BSN: variants seen among roughly 807,000 people sequenced by gnomAD.
BSN encodes the protein bassoon presynaptic cytomatrix protein, also known as protein bassoon.
In BSN, 57 loss-of-function variants were observed where a neutral mutation model predicts 264.8. The ratio of observed to expected loss-of-function variants is 0.22; its 90% CI spans 0.17 to 0.27. BSN has a LOEUF of 0.27. Among genes scored for constraint, BSN ranks in the 10% least tolerant of loss-of-function variants. The probability of loss-of-function intolerance (pLI) is 1.00; values close to 1 mark genes in which losing one functional copy is unlikely to be tolerated. For synonymous variants in BSN, 2,059 were observed against 2,137.3 expected (o/e 0.96, Z 1.01); for missense variants, 4,615 against 5,232.5 (o/e 0.88, Z 3.64).
intron 1 of BSN, among the ~76,000 whole-genome samples, chr3:49,578,787 T>G (rs2051868482): frequency 6.6e-6 from 1 of 152,208 alleles, no homozygotes; most frequent in East Asian, 1.9e-4. Context: ...TCTTCCCCCC[T>G]CTATCTATCC....
At chr3:49,606,197 CATATATTATATATGT>C (rs2052142223) in intron 1 of BSN, among the ~76,000 whole-genome samples, 3 of 40,836 alleles carry the variant, frequency 7.3e-5, no homozygotes, top group Admixed American at 3.6e-4. Context: ...ATTATATATA[CATATATTATATATGT>C]ATATATTATA....
chr3:49,630,642 A>G (rs535272316), intron 2 of BSN, among the ~76,000 whole-genome samples: 1 of 152,372 alleles, frequency 6.6e-6, no homozygotes, highest in East Asian at 1.9e-4. Context: ...GAGGGCCATA[A>G]GTTAAGCTAA....
chr3:49,588,962 T>C (rs2108022132), intron 1 of BSN, among the ~76,000 whole-genome samples: 1 of 151,510 alleles, frequency 6.6e-6, no homozygotes, highest in South Asian at 2.1e-4. Context: ...TCGCCCAGGC[T>C]GGAGTGCAGT....
intron 1 of BSN, among the ~76,000 whole-genome samples, chr3:49,606,247 A>G (rs1254665633): frequency 1.2e-5 from 1 of 84,258 alleles, no homozygotes; most frequent in Admixed American, 1.9e-4. Context: ...ATATGTATAT[A>G]TTATATATAA....
intron 1 of BSN, among the ~76,000 whole-genome samples, chr3:49,580,318 T>C (rs2051886151): frequency 2.0e-5 from 3 of 152,336 alleles, no homozygotes; most frequent in Admixed American, 1.3e-4. Flanking sequence ...CCTGTTCTAT[T>C]TTTTGGAAGA....
At position 49,585,916 on chromosome 3, in the gene BSN, A is replaced by C. The variant is rs1368057940; in HGVS notation, c.224+31090A>C. 4.6e-5 allele frequency among the ~76,000 whole-genome samples: 7 copies of C among 152,082 alleles called. No homozygotes were observed. The East Asian group carries it at 1.2e-3, about 25-fold the overall frequency. On this transcript the variant is annotated intron_variant, in intron 1 of 11. Transcript: ENST00000296452. The surrounding 1 kb of genome is among the most constrained non-coding windows in gnomAD (Gnocchi z 4.7). ...GTGTGTCTTCTTTTGAGAAATGTCT[A>C]TTCAGATCTTTTGTTCATTTTTGAT... is the stretch of plus-strand genomic sequence containing the variant.
At chr3:49,588,445 T>G (rs533939069) in intron 1 of BSN, among the ~76,000 whole-genome samples, 1 of 152,184 alleles carries the variant, frequency 6.6e-6, no homozygotes, top group Non-Finnish European at 1.5e-5. Flanking sequence ...TTGAGGTATG[T>G]TCCTTCTATC....
chr3:49,629,071 G>A (rs974891190), intron 2 of BSN, among the ~76,000 whole-genome samples: 3 of 152,174 alleles, frequency 2.0e-5, no homozygotes, highest in African/African-American at 7.2e-5. Context: ...ACTGATGCCA[G>A]GGGGCCAGAG....
At chr3:49,598,025 T>C (rs895362873) in intron 1 of BSN, among the ~76,000 whole-genome samples, 1 of 152,218 alleles carries the variant, frequency 6.6e-6, no homozygotes, top group Non-Finnish European at 1.5e-5. Flanking sequence ...TGATAAGACA[T>C]TGTCATCATA....
intron 1 of BSN, among the ~76,000 whole-genome samples, chr3:49,605,920 AGATATAAAATC>A (rs1224033246): frequency 0.012 from 15 of 1,254 alleles, no homozygotes; most frequent in South Asian, 0.12. Flanking sequence ...AGATATAAAT[AGATATAAAATC>A]TATTTATATA....
chr3:49,627,334 A>C (rs9837341), intron 2 of BSN, among the ~76,000 whole-genome samples: 1 of 152,084 alleles, frequency 6.6e-6, no homozygotes, highest in East Asian at 1.9e-4. Context: ...AAGTTCACAC[A>C]TGGTGAATAC....
intron 2 of BSN, among the ~76,000 whole-genome samples, chr3:49,634,886 C>G (rs185649706): frequency 6.6e-6 from 1 of 152,228 alleles, no homozygotes; most frequent in East Asian, 1.9e-4. Flanking sequence ...CATACACACA[C>G]ATATATATAC....
chr3:49,656,775 G>C lies in BSN; in HGVS notation c.7219G>C (p.Glu2407Gln). Residue 2407 changes from glutamate to glutamine, a missense_variant, in exon 5 of 12, where the codon GAG becomes CAG. Physicochemically the swap from Glu to Gln is conservative, Grantham distance 29. Around this residue, in one of 3 missense-constraint regions of BSN, gnomAD observed 3,415 missense variants for 3,866.4 expected, o/e 0.88. Transcript: ENST00000296452. The part of the protein sequence containing the change: ...ERVELQRHRE[E>Q]EQLLVQRELQ... ...TGTGGAGCTGCAGAGGCACCGTGAG[G>C]AGGAGCAGCTGCTGGTGCAGCGGGA... The C allele has an allele frequency of 5.7e-6, 9 of 1,584,162 alleles. No individual in the cohort carries two copies. Among genetic ancestry groups the C allele is most frequent in the Non-Finnish European group, 7.7e-6 (9 of 1,165,328 alleles).
At position 49,650,720 on chromosome 3, in the gene BSN, G is replaced by T. The variant is rs2052534458; in HGVS notation, c.1627G>T (p.Ala543Ser). 2.5e-6 allele frequency: 4 copies of T among 1,613,228 alleles called. No individual in the cohort carries two copies. Among genetic ancestry groups the T allele is most frequent in the Non-Finnish European group, 3.4e-6 (4 of 1,179,880 alleles). ...PPTSQQPPVGAPHRASGTSPL... is the reference protein window; with the variant it reads ...PPTSQQPPVGSPHRASGTSPL... ...CACCTCACAGCAGCCCCCTGTAGGG[G>T]CCCCTCACCGTGCATCTGGAACATC... Residue 543 changes from alanine to serine, a missense_variant, in exon 4 of 12, where the codon GCC becomes TCC. This residue lies in a region of BSN where 1,197 missense variants were observed against 1,348.0 expected (regional missense o/e 0.89). Coordinates refer to ENST00000296452, the MANE Select transcript of BSN (RefSeq NM_003458.4).
chr3:49,571,302 G>C, intron 1 of BSN, among the ~76,000 whole-genome samples: 1 of 152,056 alleles, frequency 6.6e-6, no homozygotes, highest in East Asian at 1.9e-4. Context: ...GAGGAGCCTG[G>C]GTTTCCTAGC....
intron 1 of BSN, among the ~76,000 whole-genome samples, chr3:49,565,713 A>T (rs955786543): frequency 2.2e-4 from 34 of 152,236 alleles, no homozygotes; most frequent in Admixed American, 4.6e-4. Context: ...TATTTAATTC[A>T]ATGGCATTTA....
Position 49,625,001 on chromosome 3 carries a change from A to G in BSN, c.251A>G (p.Glu84Gly), listed in dbSNP as rs757956167. 6.5e-7 allele frequency: 1 copy of G among 1,539,342 alleles called. No individual in the cohort carries two copies. Among genetic ancestry groups the G allele is most frequent in the Non-Finnish European group, 8.7e-7 (1 of 1,145,992 alleles). ...GSTSRRLDPK[E>G]PLGNQRAASP... Reference sequence around the variant, plus strand: ...ACTTCCCGGAGACTGGACCCCAAGGAACCCCTGGGTAACCAGAGAGCAGCT... The same window carrying G: ...ACTTCCCGGAGACTGGACCCCAAGGGACCCCTGGGTAACCAGAGAGCAGCT... The change falls in exon 2 of 12, where the codon GAA (glutamate) becomes GGA (glycine). Residue 84 changes from glutamate to glycine, a missense_variant. By Grantham distance (98) the Glu-to-Gly change is moderately conservative. Around this residue, in one of 3 missense-constraint regions of BSN, gnomAD observed 1,197 missense variants for 1,348.0 expected, o/e 0.89. Coordinates refer to ENST00000296452, the MANE Select transcript of BSN (RefSeq NM_003458.4). This position sits in a 1 kb window ranked among gnomAD's most constrained non-coding sequence, Gnocchi z 4.4.
rs772874815 is a variant in BSN, at chr3:49,654,612, C to G, written c.5056C>G (p.Leu1686Val). The G allele has an allele frequency of 1.2e-6, 2 of 1,613,972 alleles. No individual in the cohort carries two copies. The highest frequency in any genetic ancestry group is 1.7e-6 in the Non-Finnish European group (2 of 1,179,950). The change falls in exon 5 of 12, where the codon CTC (leucine) becomes GTC (valine). Residue 1686 changes from leucine to valine, a missense_variant. Transcript: ENST00000296452. The surrounding 1 kb of genome is among the most constrained non-coding windows in gnomAD (Gnocchi z 4.1). ...CATCCTCACTGACCAGGGCATGGACCTCACCTCTCTTGCTGTGGAAGCGAG... is the reference window on the plus strand; with the variant it reads ...CATCCTCACTGACCAGGGCATGGACGTCACCTCTCTTGCTGTGGAAGCGAG... ...PIILTDQGMD[L>V]TSLAVEARKY...
At chr3:49,672,573 C>A (rs2052802404), downstream of BSN, among the ~76,000 whole-genome samples, 1 of 151,644 alleles carries the variant, frequency 6.6e-6, no homozygotes, top group South Asian at 2.1e-4. Flanking sequence ...CTCCACTTCC[C>A]AGGTTCAAGC....
Sources: gnomAD v4.1 joint callset for allele counts (sites outside exome capture counted in the v4.1 genomes callset) on GRCh38, gnomAD v4.1.1 for gene constraint, gnomAD v4.1.1 regional missense constraint, Gnocchi (gnomAD v3.1) non-coding constraint, MANE v1.5 for transcripts, NCBI Gene and HGNC (gene_info 2026-07-23, HGNC 2026-07-21) for gene names.